OARD1: variants seen among roughly 807,000 people sequenced by gnomAD.
OARD1 encodes ADP-ribose glycohydrolase OARD1.
Under a neutral mutation model 19.7 loss-of-function variants are expected in OARD1, and 19 were observed. That is an observed-to-expected ratio of 0.96 (90% CI 0.67 to 1.41). The LOEUF (loss-of-function observed/expected upper bound fraction) is 1.41, where lower values mean the gene tolerates loss of function less well. OARD1 is among the 40% of genes most tolerant of loss of function. The probability of loss-of-function intolerance (pLI) is 0.00; values close to 1 mark genes in which losing one functional copy is unlikely to be tolerated. For synonymous variants in OARD1, 70 were observed against 61.8 expected, an observed-to-expected ratio of 1.13 and a Z score of -0.62; for missense variants, 190 against 183.8, an observed-to-expected ratio of 1.03 and a Z score of -0.20.
At chr6:41,083,675 C>T (rs769074283) in intron 1 of OARD1, among the ~76,000 whole-genome samples, 6 of 152,182 alleles carry the variant, frequency 3.9e-5, no homozygotes, top group Admixed American at 6.5e-5. Context: ...CCTCTCATTG[C>T]CTTCTCTCCA....
chr6:41,091,408 T>G, intron 1 of OARD1: 1 of 922,246 alleles, frequency 1.1e-6, no homozygotes, highest in Non-Finnish European at 1.6e-6. Context: ...CCTTGTGTTT[T>G]TCAGTGTGTT....
Position 41,072,295 on chromosome 6 carries a change from G to C in OARD1, c.-101C>G, listed in dbSNP as rs1387984652. On this transcript the variant is annotated 5_prime_UTR_variant, in exon 1 of 6. Coordinates refer to ENST00000424266, the MANE Select transcript of OARD1 (RefSeq NM_001329686.2). ...GGGGTCCTATGGGAGGGTGCGGGGA[G>C]GCTCGCTCAAAGCCCCAACGTACCC... 1 of 152,414 alleles carries C rather than the reference G, an allele frequency of 6.6e-6. No individual in the cohort carries two copies. Among genetic ancestry groups the C allele is most frequent in the African/African-American group, 2.4e-5 (1 of 41,470 alleles). 9.4% of individuals were successfully genotyped at this position (152,414 alleles called of 1,614,324 possible). A position where few individuals can be genotyped will look rare whatever the true frequency, so the allele number is the denominator to read the frequency against.
chr6:41,071,351 T>G lies in OARD1; in HGVS notation c.40-75A>C, dbSNP rs566671931. Reference sequence around the variant, plus strand: ...TACTAAGCTATTTTTCTGTATTTTGTGTCCCCCACGACTACCTCTCCCGGC... The same window carrying G: ...TACTAAGCTATTTTTCTGTATTTTGGGTCCCCCACGACTACCTCTCCCGGC... On this transcript the variant is annotated intron_variant, in intron 2 of 5. Coordinates refer to ENST00000424266, the MANE Select transcript of OARD1 (RefSeq NM_001329686.2). 3 of 1,452,182 alleles carry G rather than the reference T, an allele frequency of 2.1e-6. No individual in the cohort carries two copies. In the Admixed American group the frequency reaches 5.4e-5, roughly 26 times the overall value. The allele number at this position is 1,452,182 out of a possible 1,614,324, so 90.0% of individuals were successfully genotyped here.
Position 41,070,070 on chromosome 6 carries a change from T to C in OARD1, c.243+6A>G. ...CTGAAAAAAAAAGGAATTGGCCCCA[T>C]CTTACCAAGTAATATATATATCGCC... On this transcript the variant is annotated splice_donor_region_variant and intron_variant, in intron 4 of 5. Transcript: ENST00000424266. 5.1e-6 allele frequency: 8 copies of C among 1,562,498 alleles called. No homozygotes were observed. The highest frequency in any genetic ancestry group is 1.7e-5 in the Admixed American group (1 of 59,898).
chr6:41,088,381 C>G (rs1764104043), intron 1 of OARD1, among the ~76,000 whole-genome samples: 1 of 144,652 alleles, frequency 6.9e-6, no homozygotes, highest in Non-Finnish European at 1.5e-5. Context: ...CAAGATCACA[C>G]CACTGCACTC....
upstream of OARD1, among the ~76,000 whole-genome samples, chr6:41,074,140 C>T (rs1261003222): frequency 6.6e-6 from 1 of 152,098 alleles, no homozygotes; most frequent in Admixed American, 6.5e-5. Context: ...CTTCGCCTTT[C>T]TATGTTACTT....
chr6:41,070,283 C>A, intron 3 of OARD1, 149 bp from the exon 4 acceptor site: 1 of 610,484 alleles, frequency 1.6e-6, no homozygotes, highest in Admixed American at 3.1e-5. Context: ...TTGTCTCCCA[C>A]AAACACTTTG....
chr6:41,081,755 A>G (rs1350893054), intron 1 of OARD1, among the ~76,000 whole-genome samples: 2 of 152,200 alleles, frequency 1.3e-5, no homozygotes, highest in Admixed American at 6.5e-5. Flanking sequence ...CTGGGGGAAT[A>G]GTGACCTGTC....
intron 3 of OARD1, chr6:41,070,767 G>C: frequency 2.3e-6 from 1 of 438,134 alleles, no homozygotes; most frequent in South Asian, 3.0e-5. Context: ...AAAGTGATGG[G>C]AGGGGTCTGT....
chr6:41,089,121 T>C (rs1649155778), intron 1 of OARD1, among the ~76,000 whole-genome samples: 1 of 152,048 alleles, frequency 6.6e-6, no homozygotes, highest in Non-Finnish European at 1.5e-5. Flanking sequence ...GTAGCTGGGA[T>C]TACAGGCATG....
At chr6:41,086,367 T>A (rs1224247068) in intron 1 of OARD1, among the ~76,000 whole-genome samples, 1 of 152,176 alleles carries the variant, frequency 6.6e-6, no homozygotes, top group Admixed American at 6.5e-5. Flanking sequence ...TATTTTGCTA[T>A]AAGGAACCTT....
intron 1 of OARD1, chr6:41,089,797 T>C: frequency 6.6e-7 from 1 of 1,518,480 alleles, no homozygotes; most frequent in Non-Finnish European, 8.9e-7. Context: ...ATAGCATGTA[T>C]AGTAGAAAAG....
chr6:41,079,156 C>A (rs1763836471), intron 1 of OARD1: 48 of 1,614,022 alleles, frequency 3.0e-5, no homozygotes, highest in Non-Finnish European at 4.1e-5. Context: ...AGGACAGATT[C>A]AGCAGCAGGT....
chr6:41,089,808 G>A (rs2113811940), intron 1 of OARD1: 1 of 1,480,150 alleles, frequency 6.8e-7, no homozygotes, highest in East Asian at 2.3e-5. Context: ...AGTAGAAAAG[G>A]GGATGAAAAC....
chr6:41,074,320 A>G (rs1763666652), upstream of OARD1, among the ~76,000 whole-genome samples: 1 of 152,222 alleles, frequency 6.6e-6, no homozygotes, highest in Non-Finnish European at 1.5e-5. Flanking sequence ...CAGTTAGTAT[A>G]TGCCAGGTAT....
chr6:41,077,891 T>C (rs1470979033), intron 1 of OARD1, among the ~76,000 whole-genome samples: 2 of 152,226 alleles, frequency 1.3e-5, no homozygotes, highest in Admixed American at 1.3e-4. Flanking sequence ...TAGATTCTTA[T>C]GTTGTATCCA....
chr6:41,075,798 A>G (rs1327161994), upstream of OARD1: 2 of 151,778 alleles, frequency 1.3e-5, no homozygotes, highest in Non-Finnish European at 2.9e-5. Flanking sequence ...CCAAATTCCC[A>G]TATCACTTTA....
intron 2 of OARD1, 151 bp from the exon 3 acceptor site, chr6:41,071,427 A>G (rs1763379991): frequency 2.0e-6 from 2 of 988,596 alleles, no homozygotes; most frequent in African/African-American, 3.3e-5. Flanking sequence ...GCATGTGTAA[A>G]AGGAAAGTAA....
At chr6:41,078,117 C>A (rs1763790979) in intron 1 of OARD1, among the ~76,000 whole-genome samples, 1 of 152,106 alleles carries the variant, frequency 6.6e-6, no homozygotes, top group African/African-American at 2.4e-5. Context: ...ACTATAATTG[C>A]CTTACCAGAT....
Sources: gnomAD v4.1 joint callset for allele counts (sites outside exome capture counted in the v4.1 genomes callset) on GRCh38, gnomAD v4.1.1 for gene constraint, MANE v1.5 for transcripts, NCBI Gene and HGNC (gene_info 2026-07-23, HGNC 2026-07-21) for gene names.